PXDNL: variants seen among roughly 807,000 people sequenced by gnomAD.
The protein encoded by PXDNL is probable oxidoreductase PXDNL.
Under a neutral mutation model 150.8 loss-of-function variants are expected in PXDNL, and 145 were observed. The ratio of observed to expected loss-of-function variants is 0.96; its 90% confidence interval spans 0.84 to 1.10. PXDNL has a LOEUF of 1.10. Among genes scored for constraint, PXDNL ranks in the 50% least tolerant of loss-of-function variants. The probability of loss-of-function intolerance (pLI) is 0.00; values close to 1 mark genes in which losing one functional copy is unlikely to be tolerated. For missense variants in PXDNL, 2,087 were observed against 1,873.9 expected, an observed-to-expected ratio of 1.11 and a Z score of -2.10; for synonymous variants, 757 against 725.7, an observed-to-expected ratio of 1.04 and a Z score of -0.69.
At chr8:51,782,747 G>A (rs1341950683) in intron 1 of PXDNL, among the ~76,000 whole-genome samples, 1 of 152,172 alleles carries the variant, frequency 6.6e-6, no homozygotes, top group Non-Finnish European at 1.5e-5. Context: ...CCAAGTCATG[G>A]TACTTATCAT....
intron 10 of PXDNL, 109 bp downstream of exon 10, chr8:51,453,410 G>A (rs1405434787): frequency 7.0e-6 from 8 of 1,149,310 alleles, no homozygotes; most frequent in Non-Finnish European, 9.9e-6. Flanking sequence ...AAAATAATTG[G>A]CAAATAAAAA....
rs1441827557 is a variant in PXDNL at position 51,408,708 on chromosome 8, G to A, written c.2916C>T (p.Thr972=). 4 of 1,593,912 alleles carry A rather than the reference G, an allele frequency of 2.5e-6. No homozygotes were observed. The highest frequency in any genetic ancestry group is 3.4e-6 in the Non-Finnish European group (4 of 1,169,956). ...NEHLALAAMH[T]LWFREHNRMA... is the part of the protein sequence containing the mutation. ...TCCTGTTGTGTTCCCGGAACCACAG[G>A]GTGTGCATGGCGGCCAGAGCCAGAT... Residue 972 remains threonine (T), a synonymous_variant, in exon 17 of 23, where the codon ACC becomes ACT. Transcript: ENST00000356297.
intron 21 of PXDNL, among the ~76,000 whole-genome samples, chr8:51,333,424 G>C (rs1482370417): frequency 6.6e-6 from 1 of 151,840 alleles, no homozygotes; most frequent in African/African-American, 2.4e-5. Flanking sequence ...CAAAATATAA[G>C]TTAAAAAGTA....
intron 12 of PXDNL, among the ~76,000 whole-genome samples, chr8:51,431,217 C>G (rs968728337): frequency 6.6e-6 from 1 of 152,144 alleles, no homozygotes; most frequent in Non-Finnish European, 1.5e-5. Context: ...TTATTTAATG[C>G]TCATGCTCTT....
chr8:51,652,857 G>A (rs1428432281), intron 2 of PXDNL, among the ~76,000 whole-genome samples: 1 of 152,106 alleles, frequency 6.6e-6, no homozygotes, highest in Non-Finnish European at 1.5e-5. Context: ...CATGGTTTCT[G>A]CCAAGTGAAG....
chr8:51,478,185 G>T (rs1289514559), intron 6 of PXDNL, among the ~76,000 whole-genome samples: 2 of 151,974 alleles, frequency 1.3e-5, no homozygotes, highest in Non-Finnish European at 2.9e-5. Context: ...TAAGAAAGAT[G>T]GTTCTTATGA....
chr8:51,414,145 A>G (rs184422470), intron 14 of PXDNL, among the ~76,000 whole-genome samples: 1 of 151,996 alleles, frequency 6.6e-6, no homozygotes, highest in Admixed American at 6.6e-5. Flanking sequence ...ATCCAAAAGA[A>G]CTCCCAATGA....
At chr8:51,560,304 T>C (rs899271468) in intron 3 of PXDNL, among the ~76,000 whole-genome samples, 7 of 151,904 alleles carry the variant, frequency 4.6e-5, no homozygotes, top group Admixed American at 4.6e-4. Context: ...TTTGCAGAAA[T>C]AGGGAATCTC....
chr8:51,766,933 C>CTATGATCA (rs1222635323), intron 1 of PXDNL, among the ~76,000 whole-genome samples: 1 of 152,052 alleles, frequency 6.6e-6, no homozygotes, highest in Non-Finnish European at 1.5e-5. Flanking sequence ...CCTTTTAGAA[C>CTATGATCA]TATGATCATG....
chr8:51,611,954 A>ATAT (rs1814015133), intron 2 of PXDNL, among the ~76,000 whole-genome samples: 1 of 152,222 alleles, frequency 6.6e-6, no homozygotes, highest in African/African-American at 2.4e-5. Flanking sequence ...TGGGGTAGGG[A>ATAT]GGAAGCCAGA....
At chr8:51,488,003 C>G (rs1482250928) in intron 5 of PXDNL, among the ~76,000 whole-genome samples, 3 of 152,084 alleles carry the variant, frequency 2.0e-5, no homozygotes, top group Non-Finnish European at 4.4e-5. Context: ...TTAGAAATGC[C>G]TTAATAGGAT....
intron 4 of PXDNL, among the ~76,000 whole-genome samples, chr8:51,531,511 G>A (rs1336375337): frequency 1.3e-5 from 2 of 152,162 alleles, no homozygotes; most frequent in Admixed American, 6.5e-5. Flanking sequence ...TCAGCTGCTG[G>A]CCTGAATGAG....
chr8:51,339,863 T>C, intron 20 of PXDNL, 110 bp from the exon 21 acceptor site: 2 of 1,025,008 alleles, frequency 2.0e-6, no homozygotes, highest in South Asian at 3.6e-5. Flanking sequence ...GCATTGTGAT[T>C]GGTGTTCTTT....
In PXDNL at chr8:51,625,701, C is replaced by T. The variant is rs141083299; in HGVS notation, c.236+28988G>A. 4.5e-4 allele frequency among the ~76,000 whole-genome samples: 68 copies of T among 152,198 alleles called. 1 individual carries two copies. The highest frequency in any genetic ancestry group is 7.7e-4 in the African/African-American group (32 of 41,514). ...CAAGTTGGTAAGTTGGAAAGAACAACGTAGAAAGTTATAGTCACACAATTG... is the reference window on the plus strand; with the variant it reads ...CAAGTTGGTAAGTTGGAAAGAACAATGTAGAAAGTTATAGTCACACAATTG... On this transcript the variant is annotated intron_variant, in intron 2 of 22. Transcript: ENST00000356297.
intron 12 of PXDNL, among the ~76,000 whole-genome samples, chr8:51,430,336 T>C (rs1426868099): frequency 6.6e-6 from 1 of 152,184 alleles, no homozygotes; most frequent in East Asian, 1.9e-4. Flanking sequence ...AAACAGAAGC[T>C]TAAAAGATCC....
In PXDNL at chr8:51,408,131, C is replaced by T; in HGVS notation, c.3493G>A (p.Val1165Ile). Residue 1165 changes from valine (V) to isoleucine (I), a missense_variant, in exon 17 of 23, where the codon GTT becomes ATT. Val to Ile is a conservative substitution (Grantham distance 29, BLOSUM62 3). Coordinates refer to ENST00000356297, the MANE Select transcript of PXDNL (RefSeq NM_144651.5). ...TTTTGAAGATCCTCAAAGTTCTTAA[C>T]TGAAGTCAAATTACAGAAAACTCTG... Reference protein sequence around the residue: ...DFRVFCNLTSVKNFEDLQNEI... With the variant: ...DFRVFCNLTSIKNFEDLQNEI... 1 of 1,613,116 alleles carries T rather than the reference C, an allele frequency of 6.2e-7. No homozygotes were observed. The highest frequency in any genetic ancestry group is 8.5e-7 in the Non-Finnish European group (1 of 1,179,582).
At chr8:51,451,135 T>A (rs552226872) in intron 10 of PXDNL, among the ~76,000 whole-genome samples, 1 of 151,022 alleles carries the variant, frequency 6.6e-6, no homozygotes, top group South Asian at 2.1e-4. Flanking sequence ...AATTTAATTT[T>A]ATTTTAATTA....
intron 1 of PXDNL, among the ~76,000 whole-genome samples, chr8:51,706,377 G>A (rs1374284244): frequency 5.9e-5 from 9 of 152,018 alleles, no homozygotes; most frequent in African/African-American, 2.2e-4. Flanking sequence ...AGTCTATTTA[G>A]ATCAATGAGT....
intron 14 of PXDNL, among the ~76,000 whole-genome samples, chr8:51,417,648 G>A (rs1384165803): frequency 6.6e-6 from 1 of 152,160 alleles, no homozygotes; most frequent in Non-Finnish European, 1.5e-5. Context: ...AAAATTAGCA[G>A]ATAATGTAAC....
Sources: allele counts gnomAD v4.1 joint callset (sites outside exome capture counted in the v4.1 genomes callset), GRCh38; gene constraint gnomAD v4.1.1; transcripts MANE v1.5; gene names NCBI Gene and HGNC (gene_info 2026-07-23, HGNC 2026-07-21).